ADGRL1: variants seen among roughly 807,000 people sequenced by gnomAD.
ADGRL1 encodes the protein adhesion G protein-coupled receptor L1.
A neutral mutation model predicts 148.9 loss-of-function variants in ADGRL1; 31 were observed. The ratio of observed to expected loss-of-function variants is 0.21; its 90% CI spans 0.16 to 0.28. ADGRL1 has a LOEUF of 0.28. ADGRL1 is among the 10% of genes least tolerant of loss of function. The probability of loss-of-function intolerance (pLI) is 1.00; values close to 1 mark genes in which losing one functional copy is unlikely to be tolerated. For synonymous variants in ADGRL1, 937 were observed against 900.3 expected (o/e 1.04, Z -0.73); for missense variants, 1,521 against 2,058.8 (o/e 0.74, Z 5.05).
rs1968603354 is a variant in ADGRL1 at position 14,155,265 on chromosome 19, C to A, written c.3294+94G>T. ...AGCACTCACTGGGGGCTTGAGGGAG[C>A]CCCTGAGTCCCCTCCACCCTCGCCG... On this transcript the variant is annotated intron_variant, in intron 18 of 22. Transcript: ENST00000361434. The surrounding 1 kb of genome is among the most constrained non-coding windows in gnomAD (Gnocchi z 5.0). 2.1e-6 allele frequency: 3 copies of A among 1,415,748 alleles called. No homozygotes were observed. Among genetic ancestry groups the A allele is most frequent in the East Asian group, 4.6e-5 (2 of 43,358 alleles). The allele number at this position is 1,415,748 out of a possible 1,614,324, so 87.7% of individuals were successfully genotyped here.
At position 14,148,344 on chromosome 19, in the gene ADGRL1, T is replaced by G. The variant is rs1339385669; in HGVS notation, c.*2529A>C. The G allele has an allele frequency of 6.6e-6, 1 of 152,268 alleles. No individual in the cohort carries two copies. Among genetic ancestry groups the G allele is most frequent in the African/African-American group, 2.4e-5 (1 of 41,432 alleles). The allele number at this position is 152,268 out of a possible 1,614,324, so 9.4% of individuals were successfully genotyped here. A position where few individuals can be genotyped will look rare whatever the true frequency, so the allele number is the denominator to read the frequency against. On this transcript the variant is annotated 3_prime_UTR_variant, in exon 23 of 23. Transcript: ENST00000361434. ...GGCTGGAACAGGACCCGATACACCC[T>G]CTCTCCCTTTGATTGTCCGAGTCTG...
intron 3 of ADGRL1, among the ~76,000 whole-genome samples, chr19:14,174,206 G>T (rs1316534845): frequency 6.6e-6 from 1 of 152,142 alleles, no homozygotes; most frequent in Non-Finnish European, 1.5e-5. Flanking sequence ...GGTGTTGAAT[G>T]AAGTCAGCAG....
chr19:14,201,597 T>G (rs1972618500), intron 1 of ADGRL1, among the ~76,000 whole-genome samples: 1 of 151,918 alleles, frequency 6.6e-6, no homozygotes, highest in African/African-American at 2.4e-5. Context: ...AAAAAAAAAT[T>G]TTAGAAACGA....
In ADGRL1 at chr19:14,166,562, CAGAGAGAGAGAGAGAGAGAA is replaced by C. The variant is rs1235849139; in HGVS notation, c.395-3176_395-3157del. Among the ~76,000 whole-genome samples the C allele has an allele frequency of 3.0e-3, 442 of 148,156 alleles. 2 individuals are homozygous for C. The highest frequency in any genetic ancestry group is 6.9e-3 in the Middle Eastern group (2 of 288). ...GAAGGAGGAAGAGAGAGGGGAGAGA[CAGAGAGAGAGAGAGAGAGAA>C]AGAGAGAGAGAGAGAGAGACAGCTC... is the stretch of plus-strand genomic sequence containing the variant. On this transcript the variant is annotated intron_variant, in intron 4 of 22. Transcript: ENST00000361434.
intron 2 of ADGRL1, among the ~76,000 whole-genome samples, chr19:14,182,055 A>C (rs187669333): frequency 3.7e-4 from 56 of 152,266 alleles, no homozygotes; most frequent in Middle Eastern, 3.4e-3. Context: ...AGCCAGACAG[A>C]TGGCTGGGGT....
At position 14,152,474 on chromosome 19, in the gene ADGRL1, G is replaced by C; in HGVS notation, c.3521-37C>G. 1 of 1,609,514 alleles carries C rather than the reference G, an allele frequency of 6.2e-7. No homozygotes were observed. The highest frequency in any genetic ancestry group is 8.5e-7 in the Non-Finnish European group (1 of 1,176,288). On this transcript the variant is annotated intron_variant, in intron 20 of 22. Coordinates refer to ENST00000361434, the MANE Select transcript of ADGRL1 (RefSeq NM_014921.5). The surrounding 1 kb of genome is among the most constrained non-coding windows in gnomAD (Gnocchi z 6.1). ...ATCAGAGGTCACAAGGCAGCCGGGAGCCTCCAGAGACTGAAGCCAGAGGCA... is the reference window on the plus strand; with the variant it reads ...ATCAGAGGTCACAAGGCAGCCGGGACCCTCCAGAGACTGAAGCCAGAGGCA...
In ADGRL1 at chr19:14,155,837, G is replaced by A. The variant is rs1409251256; in HGVS notation, c.3125+273C>T. 6.9e-6 allele frequency: 4 copies of A among 577,850 alleles called. No homozygotes were observed. The African/African-American group carries it at 7.5e-5, about 11-fold the overall frequency. 35.8% of individuals were successfully genotyped at this position (577,850 alleles called of 1,614,324 possible). The stretch of plus-strand genomic sequence containing the variant: ...ATATTTGCTGCCTATTTCTCTTTAA[G>A]TTGCCCTTAAACAGACTCACCTTTT... On this transcript the variant is annotated intron_variant, in intron 17 of 22. Coordinates refer to ENST00000361434, the MANE Select transcript of ADGRL1 (RefSeq NM_014921.5). The surrounding 1 kb of genome is among the most constrained non-coding windows in gnomAD (Gnocchi z 5.0).
intron 3 of ADGRL1, among the ~76,000 whole-genome samples, chr19:14,174,589 G>A (rs1970693028): frequency 6.7e-6 from 1 of 149,708 alleles, no homozygotes; most frequent in Admixed American, 6.7e-5. Context: ...AGGCTGGAGT[G>A]CAGTGGTGTT....
At chr19:14,176,620 T>C (rs944095578) in intron 3 of ADGRL1, among the ~76,000 whole-genome samples, 1 of 151,954 alleles carries the variant, frequency 6.6e-6, no homozygotes, top group African/African-American at 2.4e-5. Flanking sequence ...GAGGATTGCT[T>C]GAGGCCAGGA....
chr19:14,151,521 G>C lies in ADGRL1; in HGVS notation c.3762C>G (p.Phe1254Leu). 1 of 1,611,088 alleles carries C rather than the reference G, an allele frequency of 6.2e-7. No individual in the cohort carries two copies. ...GCTCAGGGCCCCCATCCCCGGGAGGGAAATCCCCACTTCGCAAGGAGTAAC... is the reference window on the plus strand; with the variant it reads ...GCTCAGGGCCCCCATCCCCGGGAGGCAAATCCCCACTTCGCAAGGAGTAAC... ...NNSYSLRSGD[F>L]PPGDGGPEPP... The change falls in exon 23 of 23, where the codon TTC becomes TTG. Residue 1254 changes from phenylalanine (F) to leucine (L), a missense_variant. Physicochemically the swap from Phe to Leu is conservative, Grantham distance 22 (BLOSUM62 0). Coordinates refer to ENST00000361434, the MANE Select transcript of ADGRL1 (RefSeq NM_014921.5).
chr19:14,170,935 G>A lies in ADGRL1; in HGVS notation c.285-144C>T, dbSNP rs1443472196. The A allele has an allele frequency of 3.0e-5, 18 of 598,378 alleles. No homozygotes were observed. The South Asian group carries it at 3.2e-4, about 11-fold the overall frequency. The allele number at this position is 598,378 out of a possible 1,614,324, so 37.1% of individuals were successfully genotyped here. On this transcript the variant is annotated intron_variant, in intron 3 of 22. Coordinates refer to ENST00000361434, the MANE Select transcript of ADGRL1 (RefSeq NM_014921.5). ...GCTGGAAACCAAGTGATATAGTTTG[G>A]ATCTGTGTCCATACCCAAATCTCAT...
chr19:14,154,211 T>C (rs1053321928), intron 18 of ADGRL1, among the ~76,000 whole-genome samples: 3 of 152,082 alleles, frequency 2.0e-5, no homozygotes, highest in Admixed American at 6.5e-5. Context: ...CAGGACAATG[T>C]TGGACAGAGC....
At chr19:14,182,293 C>G (rs2145010975) in intron 2 of ADGRL1, among the ~76,000 whole-genome samples, 1 of 152,352 alleles carries the variant, frequency 6.6e-6, no homozygotes, top group South Asian at 2.1e-4. Context: ...CAGAGGGTGC[C>G]TGGCAGGGTC....
intron 3 of ADGRL1, among the ~76,000 whole-genome samples, chr19:14,175,580 A>C (rs573417559): frequency 2.6e-5 from 4 of 152,028 alleles, no homozygotes; most frequent in Non-Finnish European, 5.9e-5. Flanking sequence ...ACCCACCCAG[A>C]TACACACTCC....
intron 2 of ADGRL1, among the ~76,000 whole-genome samples, chr19:14,182,950 C>A (rs1971301400): frequency 6.6e-6 from 1 of 151,900 alleles, no homozygotes; most frequent in Admixed American, 6.5e-5. Flanking sequence ...GCCGGGCCTA[C>A]TGGCCTCTTC....
chr19:14,184,784 C>A (rs1286928785), intron 1 of ADGRL1, among the ~76,000 whole-genome samples: 5 of 151,830 alleles, frequency 3.3e-5, no homozygotes, highest in African/African-American at 1.2e-4. Flanking sequence ...GGACTACAGG[C>A]ACCCACCAAC....
chr19:14,167,347 C>G (rs1399421700), intron 4 of ADGRL1, among the ~76,000 whole-genome samples: 4 of 150,776 alleles, frequency 2.7e-5, no homozygotes, highest in African/African-American at 4.9e-5. Context: ...TACAGGCAGG[C>G]AGACAGAGCC....
In ADGRL1 at chr19:14,161,044, G is replaced by A. The variant is rs1311732069; in HGVS notation, c.1510+268C>T. Among the ~76,000 whole-genome samples the A allele has an allele frequency of 1.3e-5, 2 of 152,240 alleles. No individual in the cohort carries two copies. The highest frequency in any genetic ancestry group is 1.3e-4 in the Admixed American group (2 of 15,286). The stretch of plus-strand genomic sequence containing the variant: ...TTTTGCACTTCAGCTGGCCATCCAT[G>A]TGAAGCTGACTGTGCCTGGGGCTGT... On this transcript the variant is annotated intron_variant, in intron 6 of 22. Transcript: ENST00000361434. The surrounding 1 kb of genome is among the most constrained non-coding windows in gnomAD (Gnocchi z 4.4).
chr19:14,170,800 G>A lies in ADGRL1; in HGVS notation c.285-9C>T. On this transcript the variant is annotated splice_polypyrimidine_tract_variant and intron_variant, in intron 3 of 22. Transcript: ENST00000361434. ...GGGTGCGGTTGTTACACCTTCAGAGGAGAAACAGGGCATTGGGAAAGAAAC... is the reference window on the plus strand; with the variant it reads ...GGGTGCGGTTGTTACACCTTCAGAGAAGAAACAGGGCATTGGGAAAGAAAC... 1 of 1,391,724 alleles carries A rather than the reference G, an allele frequency of 7.2e-7. No individual in the cohort carries two copies. Among genetic ancestry groups the A allele is most frequent in the Non-Finnish European group, 1.0e-6 (1 of 983,640 alleles). The allele number at this position is 1,391,724 out of a possible 1,614,324, so 86.2% of individuals were successfully genotyped here.
Sources: allele counts gnomAD v4.1 joint callset (sites outside exome capture counted in the v4.1 genomes callset), GRCh38; gene constraint gnomAD v4.1.1; non-coding constraint Gnocchi (gnomAD v3.1); transcripts MANE v1.5; gene names NCBI Gene and HGNC (gene_info 2026-07-23, HGNC 2026-07-21).